Variants in RAD23B observed in about 807,000 individuals in gnomAD.
The protein encoded by RAD23B is RAD23 nucleotide excision repair protein B.
A neutral mutation model predicts 49.1 loss-of-function variants in RAD23B; 5 were observed. That is an observed-to-expected ratio of 0.10 (90% CI 0.05 to 0.21). The LOEUF (loss-of-function observed/expected upper bound fraction) is 0.21, where lower values mean the gene tolerates loss of function less well. Ranked by LOEUF, RAD23B falls within the 10% of genes least tolerant of loss-of-function variation. The pLI is 1.00. For synonymous variants in RAD23B, 184 were observed against 165.4 expected, an observed-to-expected ratio of 1.11 and a Z score of -0.86; for missense variants, 356 against 486.7, an observed-to-expected ratio of 0.73 and a Z score of 2.53.
At chr9:107,284,860 A>G in intron 1 of RAD23B, 1 of 1,239,004 alleles carries the variant, frequency 8.1e-7, no homozygotes, top group Non-Finnish European at 1.1e-6. Flanking sequence ...GGTTAGTTTC[A>G]TTCTCTGTAT....
At chr9:107,299,417 A>C (rs186837928) in intron 1 of RAD23B, among the ~76,000 whole-genome samples, 159 of 152,308 alleles carry the variant, frequency 1.0e-3, no homozygotes, top group Admixed American at 2.9e-3. Flanking sequence ...CATTTTTGTA[A>C]ATACTGTATA....
Position 107,306,622 on chromosome 9 carries a change from G to A in RAD23B, c.472G>A (p.Ala158Thr). The A allele has an allele frequency of 6.2e-7, 1 of 1,614,088 alleles. No individual in the cohort carries two copies. The highest frequency in any genetic ancestry group is 8.5e-7 in the Non-Finnish European group (1 of 1,179,974). Residue 158 changes from alanine to threonine, a missense_variant, in exon 4 of 10, where the codon GCT becomes ACT. By Grantham distance (58) the Ala-to-Thr change is moderately conservative (BLOSUM62 0). This residue lies in a region of RAD23B where 137 missense variants were observed against 122.0 expected (regional missense o/e 1.12). Coordinates refer to ENST00000358015, the MANE Select transcript of RAD23B (RefSeq NM_002874.5). ...AGAAAAGCCAGCAGAGACACCAGTG[G>A]CTACTAGCCCAACAGCAACTGACAG... is the stretch of plus-strand genomic sequence containing the variant. Reference protein sequence around the residue: ...PAEKPAETPVATSPTATDSTS... With the variant: ...PAEKPAETPVTTSPTATDSTS...
intron 1 of RAD23B, among the ~76,000 whole-genome samples, chr9:107,294,170 C>T (rs1222279921): frequency 1.3e-5 from 2 of 152,034 alleles, no homozygotes; most frequent in African/African-American, 4.8e-5. Context: ...TGATTGTCTT[C>T]CTTTGGAGGA....
chr9:107,306,793 G>T, intron 4 of RAD23B, 146 bp downstream of exon 4: 1 of 900,578 alleles, frequency 1.1e-6, no homozygotes, highest in Non-Finnish European at 1.7e-6. Flanking sequence ...CATATGCTGC[G>T]TCTGTTTTGA....
intron 5 of RAD23B, among the ~76,000 whole-genome samples, chr9:107,316,383 T>C (rs756056751): frequency 6.6e-6 from 1 of 152,228 alleles, no homozygotes; most frequent in Admixed American, 6.5e-5. Context: ...ACCTTTCTTA[T>C]GAAGTAGTGA....
intron 5 of RAD23B, 32 bp downstream of exon 5, chr9:107,311,769 A>G (rs747305483): frequency 2.7e-6 from 4 of 1,486,950 alleles, no homozygotes; most frequent in African/African-American, 1.5e-5. Context: ...TAAATAACCT[A>G]TAAAGAGATA....
In RAD23B at chr9:107,326,296, G is replaced by A. The variant is rs145577561; in HGVS notation, c.1116+1292G>A. Among the ~76,000 whole-genome samples, 706 of 151,658 alleles carry A rather than the reference G, an allele frequency of 4.7e-3. 10 individuals are homozygous for A. Among genetic ancestry groups the A allele is most frequent in the African/African-American group, 0.016 (650 of 41,404 alleles). On this transcript the variant is annotated intron_variant, in intron 9 of 9. Coordinates refer to ENST00000358015, the MANE Select transcript of RAD23B (RefSeq NM_002874.5). ...ATTAAGAATTGGTGTGGGCTAACAC[G>A]GTGAAACCCCGTCTCTACTAAAAAT...
At chr9:107,287,616 C>T (rs953503588) in intron 1 of RAD23B, among the ~76,000 whole-genome samples, 1 of 152,034 alleles carries the variant, frequency 6.6e-6, no homozygotes. Context: ...GGGTGGATCA[C>T]CTGAGGTCAG....
In RAD23B at chr9:107,327,939, G is replaced by A. The variant is rs1827241138; in HGVS notation, c.1117-1604G>A. Among the ~76,000 whole-genome samples the A allele has an allele frequency of 2.0e-5, 3 of 152,138 alleles. No individual in the cohort carries two copies. In the South Asian group the frequency reaches 6.2e-4, roughly 32 times the overall value. On this transcript the variant is annotated intron_variant, in intron 9 of 9. Transcript: ENST00000358015. Reference sequence around the variant, plus strand: ...TCCTGAACCCTTTTTATCATAAAATGCCTTTTGTCTATAGTAACAATTTTT... The same window carrying A: ...TCCTGAACCCTTTTTATCATAAAATACCTTTTGTCTATAGTAACAATTTTT...
At position 107,322,307 on chromosome 9, in the gene RAD23B, G is replaced by A. The variant is rs954021107; in HGVS notation, c.817+189G>A. Among the ~76,000 whole-genome samples, 8 of 152,246 alleles carry A rather than the reference G, an allele frequency of 5.3e-5. No individual in the cohort carries two copies. In the South Asian group the frequency reaches 1.7e-3, roughly 31 times the overall value. On this transcript the variant is annotated intron_variant, in intron 7 of 9. Coordinates refer to ENST00000358015, the MANE Select transcript of RAD23B (RefSeq NM_002874.5). Reference sequence around the variant, plus strand: ...CCAAGTGGATGTAAAAGGTATCCTTGCTGATATTAAACATCAGTGTTGCAG... The same window carrying A: ...CCAAGTGGATGTAAAAGGTATCCTTACTGATATTAAACATCAGTGTTGCAG...
At chr9:107,325,313 C>CAAAAAAAAAAAAAAAAAAAAAA (rs34042765) in intron 9 of RAD23B, among the ~76,000 whole-genome samples, 1 of 61,376 alleles carries the variant, frequency 1.6e-5, no homozygotes, top group African/African-American at 6.6e-5. Context: ...GACTCTGTCT[C>CAAAAAAAAAAAAAAAAAAAAAA]AAAAAAAAAA....
intron 5 of RAD23B, among the ~76,000 whole-genome samples, chr9:107,316,658 GT>G (rs547442249): frequency 1.6e-3 from 237 of 152,064 alleles, no homozygotes; most frequent in Middle Eastern, 3.4e-3. Flanking sequence ...ATATTTGGGG[GT>G]TTTTAGCTAT....
chr9:107,300,010 A>C (rs1168299993), intron 1 of RAD23B, 131 bp from the exon 2 acceptor site: 5 of 1,184,280 alleles, frequency 4.2e-6, no homozygotes, highest in Non-Finnish European at 5.7e-6. Flanking sequence ...AATTGGAAAA[A>C]CATAATATTT....
At chr9:107,291,278 C>T (rs546061513) in intron 1 of RAD23B, among the ~76,000 whole-genome samples, 2 of 152,284 alleles carry the variant, frequency 1.3e-5, no homozygotes, top group Admixed American at 6.5e-5. Flanking sequence ...GGGAATTCTG[C>T]TTACTCAGTT....
intron 3 of RAD23B, among the ~76,000 whole-genome samples, chr9:107,305,966 A>T (rs772992813): frequency 1.3e-5 from 2 of 149,608 alleles, no homozygotes; most frequent in Non-Finnish European, 3.0e-5. Context: ...AAATTATTTT[A>T]TTAATGCTTT....
chr9:107,317,280 C>T (rs1827017298), intron 5 of RAD23B, among the ~76,000 whole-genome samples: 1 of 151,908 alleles, frequency 6.6e-6, no homozygotes, highest in African/African-American at 2.4e-5. Context: ...AGAGATAGGA[C>T]CTACCAGGTA....
At chr9:107,306,291 T>A in intron 3 of RAD23B, 88 bp from the exon 4 acceptor site, 1 of 1,303,324 alleles carries the variant, frequency 7.7e-7, no homozygotes. Flanking sequence ...GTGCTATGTT[T>A]GTGGCATCCT....
intron 1 of RAD23B, among the ~76,000 whole-genome samples, chr9:107,289,965 C>CT (rs572265636): frequency 1.3e-5 from 2 of 152,152 alleles, no homozygotes; most frequent in South Asian, 4.1e-4. Context: ...CATTAAGGAA[C>CT]TTAAGTTCAT....
chr9:107,298,091 C>A (rs1587850243), intron 1 of RAD23B, among the ~76,000 whole-genome samples: 1 of 152,138 alleles, frequency 6.6e-6, no homozygotes, highest in Non-Finnish European at 1.5e-5. Context: ...ATCACACTTG[C>A]AAATATTGTA....
Sources: allele counts gnomAD v4.1 joint callset (sites outside exome capture counted in the v4.1 genomes callset), GRCh38; gene constraint gnomAD v4.1.1; regional missense constraint gnomAD v4.1.1; transcripts MANE v1.5; gene names NCBI Gene and HGNC (gene_info 2026-07-23, HGNC 2026-07-21).